NSG2: variants seen among roughly 807,000 people sequenced by gnomAD.
NSG2 encodes neuronal vesicle trafficking-associated protein 2.
A neutral mutation model predicts 16.9 loss-of-function variants in NSG2; 4 were observed. The observed-to-expected ratio is 0.24, with a 90% CI of 0.12 to 0.54. The LOEUF (loss-of-function observed/expected upper bound fraction) is 0.54, where lower values mean the gene tolerates loss of function less well. Among genes scored for constraint, NSG2 ranks in the 20% least tolerant of loss-of-function variants. The pLI is 0.95. For synonymous variants in NSG2, 98 were observed against 88.7 expected, an observed-to-expected ratio of 1.11 and a Z score of -0.59; for missense variants, 179 against 221.1, an observed-to-expected ratio of 0.81 and a Z score of 1.21.
chr5:174,094,297 G>A (rs184296380), intron 3 of NSG2, among the ~76,000 whole-genome samples: 20 of 152,212 alleles, frequency 1.3e-4, no homozygotes, highest in South Asian at 2.1e-4. Context: ...AAAATCACTC[G>A]CCAAATGCCT....
chr5:174,086,291 C>T (rs2113460659), intron 3 of NSG2: 1 of 152,298 alleles, frequency 6.6e-6, no homozygotes, highest in South Asian at 2.1e-4. Context: ...AAAAGCCCAA[C>T]CAGACAGGGT....
At chr5:174,078,141 G>A (rs570177833) in intron 3 of NSG2, among the ~76,000 whole-genome samples, 62 of 152,260 alleles carry the variant, frequency 4.1e-4, no homozygotes, top group Admixed American at 1.1e-3. Flanking sequence ...ACTACCATAT[G>A]GGACAGCTCA....
chr5:174,067,870 T>G (rs1471783451), intron 3 of NSG2, among the ~76,000 whole-genome samples: 1 of 151,830 alleles, frequency 6.6e-6, no homozygotes, highest in Non-Finnish European at 1.5e-5. Flanking sequence ...GACTCTTTGG[T>G]GTTTGGCTTG....
intron 2 of NSG2, chr5:174,062,744 A>ATGT (rs1386305502): frequency 6.6e-6 from 1 of 152,176 alleles, no homozygotes; most frequent in African/African-American, 2.4e-5. Context: ...CACCTGGTAG[A>ATGT]TGTTCCGTGT....
intron 3 of NSG2, among the ~76,000 whole-genome samples, chr5:174,071,198 C>T (rs1296229500): frequency 2.6e-5 from 4 of 152,196 alleles, no homozygotes; most frequent in Non-Finnish European, 4.4e-5. Flanking sequence ...ATGAGAGGGT[C>T]AGTCCTTTTT....
chr5:174,090,110 G>T (rs1760698606), intron 3 of NSG2, among the ~76,000 whole-genome samples: 1 of 152,194 alleles, frequency 6.6e-6, no homozygotes, highest in Non-Finnish European at 1.5e-5. Flanking sequence ...CAGCTGTGTT[G>T]ACGGTCCCCA....
chr5:174,067,837 TG>T (rs1417190388), intron 3 of NSG2, among the ~76,000 whole-genome samples: 1 of 152,080 alleles, frequency 6.6e-6, no homozygotes, highest in Non-Finnish European at 1.5e-5. Flanking sequence ...GACTTGCTCC[TG>T]GTTGGAGGAA....
At chr5:174,066,058 C>T (rs1349915793) in intron 3 of NSG2, 1 of 352,780 alleles carries the variant, frequency 2.8e-6, no homozygotes, top group Non-Finnish European at 5.8e-6. Flanking sequence ...TTTCTCCCCA[C>T]TAAATCAATA....
chr5:174,071,908 G>C (rs1316425382), intron 3 of NSG2, among the ~76,000 whole-genome samples: 1 of 152,178 alleles, frequency 6.6e-6, no homozygotes, highest in Non-Finnish European at 1.5e-5. Flanking sequence ...TCACTTACCT[G>C]CCAGTGGCTC....
intron 2 of NSG2, among the ~76,000 whole-genome samples, chr5:174,055,350 T>C (rs2113423476): frequency 6.6e-6 from 1 of 152,190 alleles, no homozygotes; most frequent in African/African-American, 2.4e-5. Context: ...TCCCAGCACT[T>C]TGGGAAGCCG....
At chr5:174,078,782 C>A (rs1214952350) in intron 3 of NSG2, among the ~76,000 whole-genome samples, 1 of 152,180 alleles carries the variant, frequency 6.6e-6, no homozygotes, top group Non-Finnish European at 1.5e-5. Flanking sequence ...TAGAAGGCAC[C>A]ATCTATGAAC....
intron 3 of NSG2, among the ~76,000 whole-genome samples, chr5:174,071,441 C>G (rs573803333): frequency 1.3e-5 from 2 of 152,132 alleles, no homozygotes; most frequent in East Asian, 3.9e-4. Context: ...GAGCTGAGAT[C>G]GCACCACTGC....
At chr5:174,078,249 C>T (rs1172306298) in intron 3 of NSG2, among the ~76,000 whole-genome samples, 1 of 151,932 alleles carries the variant, frequency 6.6e-6, no homozygotes, top group African/African-American at 2.4e-5. Flanking sequence ...TCCTAAAGGT[C>T]TTATATGTAC....
chr5:174,073,727 C>T (rs1369485579), intron 3 of NSG2, among the ~76,000 whole-genome samples: 1 of 152,150 alleles, frequency 6.6e-6, no homozygotes, highest in Non-Finnish European at 1.5e-5. Flanking sequence ...GAGGAATGTG[C>T]ATAGGGTTTG....
At position 174,107,136 on chromosome 5, in the gene NSG2, G is replaced by A. The variant is rs890796950; in HGVS notation, c.325-178G>A. Reference sequence around the variant, plus strand: ...GGCTTCTTCTAAGTGGAGCTTTGCTGTTTGTGCTGGTGCTGGTGTTGGGAA... The same window carrying A: ...GGCTTCTTCTAAGTGGAGCTTTGCTATTTGTGCTGGTGCTGGTGTTGGGAA... On this transcript the variant is annotated intron_variant, in intron 4 of 4. Transcript: ENST00000303177. The surrounding 1 kb of genome is among the most constrained non-coding windows in gnomAD (Gnocchi z 4.5). Among the ~76,000 whole-genome samples the A allele has an allele frequency of 2.0e-5, 3 of 152,170 alleles. No individual in the cohort carries two copies. Among genetic ancestry groups the A allele is most frequent in the African/African-American group, 7.2e-5 (3 of 41,444 alleles).
intron 2 of NSG2, among the ~76,000 whole-genome samples, chr5:174,048,470 C>T (rs1759835574): frequency 6.6e-6 from 1 of 152,126 alleles, no homozygotes; most frequent in Non-Finnish European, 1.5e-5. Flanking sequence ...GGTGAGTTAT[C>T]CAAGCTCACA....
chr5:174,080,951 A>C (rs1217009988), intron 3 of NSG2, among the ~76,000 whole-genome samples: 1 of 151,670 alleles, frequency 6.6e-6, no homozygotes, highest in Non-Finnish European at 1.5e-5. Flanking sequence ...TCATTTTTGC[A>C]GTTCTTGTTA....
chr5:174,059,404 A>G (rs923877589), intron 2 of NSG2, among the ~76,000 whole-genome samples: 1 of 152,142 alleles, frequency 6.6e-6, no homozygotes, highest in African/African-American at 2.4e-5. Flanking sequence ...ATGTTCTTGT[A>G]TCTTTTGGTG....
At chr5:174,081,274 A>G (rs186831484) in intron 3 of NSG2, among the ~76,000 whole-genome samples, 287 of 151,934 alleles carry the variant, frequency 1.9e-3, no homozygotes, top group Non-Finnish European at 2.2e-3. Context: ...TCCTGATGTC[A>G]TTTTCCTGTC....
Sources: gnomAD v4.1 joint callset for allele counts (sites outside exome capture counted in the v4.1 genomes callset) on GRCh38, gnomAD v4.1.1 for gene constraint, Gnocchi (gnomAD v3.1) non-coding constraint, MANE v1.5 for transcripts, NCBI Gene and HGNC (gene_info 2026-07-23, HGNC 2026-07-21) for gene names.